The following ERBIN variants were observed in gnomAD, a reference collection of about 807,000 sequenced individuals.
ERBIN encodes the protein erbb2 interacting protein.
ERBIN carries 60 observed loss-of-function variants against 158.4 expected under a neutral mutation model. The ratio of observed to expected loss-of-function variants is 0.38; its 90% CI spans 0.31 to 0.47. The LOEUF is 0.47. Ranked by LOEUF, ERBIN falls within the 20% of genes least tolerant of loss-of-function variation. The pLI is 0.99. For synonymous variants in ERBIN, 594 were observed against 557.2 expected (o/e 1.07, Z -0.93); for missense variants, 1,610 against 1,648.0 (o/e 0.98, Z 0.40).
At chr5:66,075,633 T>C (rs916201722) in intron 23 of ERBIN, among the ~76,000 whole-genome samples, 4 of 152,180 alleles carry the variant, frequency 2.6e-5, no homozygotes, top group Admixed American at 1.3e-4. Context: ...AAAAGTACTT[T>C]AAAAGTCAGC....
rs368468255 is a variant in ERBIN at position 65,978,936 on chromosome 5, A to G, written c.-57-9699A>G. ...ATTTGGAACTGCAACCCAAGCTTCT[A>G]CTACCTCAGATTTGACAAGATCGAA... On this transcript the variant is annotated intron_variant, in intron 1 of 25. Coordinates refer to ENST00000284037, the MANE Select transcript of ERBIN (RefSeq NM_001253697.2). 4.6e-5 allele frequency among the ~76,000 whole-genome samples: 7 copies of G among 152,274 alleles called. No homozygotes were observed. In the East Asian group the frequency reaches 9.6e-4, roughly 21 times the overall value.
chr5:66,043,322 C>CT, intron 16 of ERBIN, 124 bp downstream of exon 16: 1 of 923,104 alleles, frequency 1.1e-6, no homozygotes, highest in Non-Finnish European at 1.6e-6. Flanking sequence ...CCTCAAGGCA[C>CT]TTGAAGTGTT....
At chr5:66,062,578 C>T (rs1201837878) in intron 21 of ERBIN, among the ~76,000 whole-genome samples, 1 of 152,194 alleles carries the variant, frequency 6.6e-6, no homozygotes, top group African/African-American at 2.4e-5. Flanking sequence ...TGTTCCGTTG[C>T]TGGTGAGGAG....
intron 14 of ERBIN, among the ~76,000 whole-genome samples, chr5:66,036,767 A>G (rs1757439446): frequency 6.6e-6 from 1 of 152,220 alleles, no homozygotes; most frequent in Admixed American, 6.5e-5. Flanking sequence ...AGTGATCTTT[A>G]TATTTCAGAG....
At chr5:66,036,730 A>C (rs1455385313) in intron 14 of ERBIN, among the ~76,000 whole-genome samples, 1 of 152,206 alleles carries the variant, frequency 6.6e-6, no homozygotes, top group East Asian at 1.9e-4. Flanking sequence ...GCAATATAAA[A>C]GGCTCTTAGG....
chr5:66,038,519 A>G, intron 15 of ERBIN, 37 bp downstream of exon 15: 2 of 1,471,534 alleles, frequency 1.4e-6, no homozygotes, highest in Non-Finnish European at 1.9e-6. Flanking sequence ...GTTAAAAACA[A>G]ATACTAATTT....
chr5:66,054,266 G>A lies in ERBIN; in HGVS notation c.2948G>A (p.Ser983Asn). The A allele has an allele frequency of 1.2e-6, 2 of 1,614,114 alleles. No individual in the cohort carries two copies. The highest frequency in any genetic ancestry group is 2.2e-5 in the South Asian group (2 of 91,076). Residue 983 changes from serine to asparagine, a missense_variant, in exon 21 of 26, where the codon AGC (serine) becomes AAC (asparagine). Ser to Asn is a conservative substitution (Grantham distance 46). Transcript: ENST00000284037. ...GPPQYNIQYS[S>N]SAAVKDTLWH... ...CCACAGTATAATATCCAATACAGTA[G>A]CAGTGCTGCAGTCAAAGACACTTTG...
intron 1 of ERBIN, among the ~76,000 whole-genome samples, chr5:65,980,164 C>G (rs1473665618): frequency 6.6e-6 from 1 of 151,904 alleles, no homozygotes; most frequent in Non-Finnish European, 1.5e-5. Flanking sequence ...ACCTGTAATC[C>G]CAGTGCTTTG....
chr5:65,956,959 T>C (rs1747214961), intron 1 of ERBIN, among the ~76,000 whole-genome samples: 1 of 151,978 alleles, frequency 6.6e-6, no homozygotes. Context: ...TTCTTTAAGG[T>C]AGTATAACCA....
At chr5:65,953,606 T>TA (rs781267033) in intron 1 of ERBIN, among the ~76,000 whole-genome samples, 1 of 152,082 alleles carries the variant, frequency 6.6e-6, no homozygotes, top group Non-Finnish European at 1.5e-5. Context: ...TATTATGCTT[T>TA]AAAAAAAATG....
rs1761974230 is a variant in ERBIN, at chr5:66,076,254, ATGT to A, written c.3964-56_3964-54del. 90 of 1,206,954 alleles carry A rather than the reference ATGT, an allele frequency of 7.5e-5. No homozygotes were observed. The South Asian group carries it at 1.0e-3, about 13-fold the overall frequency. The allele number at this position is 1,206,954 out of a possible 1,614,324, so 74.8% of individuals were successfully genotyped here. A position where few individuals can be genotyped will look rare whatever the true frequency, so the allele number is the denominator to read the frequency against. On this transcript the variant is annotated intron_variant, in intron 23 of 25. Coordinates refer to ENST00000284037, the MANE Select transcript of ERBIN (RefSeq NM_001253697.2). ...TTAACCAATCAGTATTTAAATATGG[ATGT>A]TGTTGCATTATAACTTTTTCTGAAA...
At chr5:66,070,860 A>C (rs574596136) in intron 21 of ERBIN, among the ~76,000 whole-genome samples, 1 of 152,210 alleles carries the variant, frequency 6.6e-6, no homozygotes, top group Non-Finnish European at 1.5e-5. Flanking sequence ...TGTCATAACA[A>C]AGTAGATTTT....
intron 1 of ERBIN, among the ~76,000 whole-genome samples, chr5:65,962,336 T>C (rs1016001235): frequency 6.6e-6 from 1 of 152,180 alleles, no homozygotes; most frequent in African/African-American, 2.4e-5. Flanking sequence ...ATTAAGCTAC[T>C]AGAAAAATGT....
chr5:66,026,033 T>A, intron 12 of ERBIN, 56 bp downstream of exon 12: 1 of 1,408,336 alleles, frequency 7.1e-7, no homozygotes, highest in Non-Finnish European at 9.7e-7. Context: ...TCTGATTATC[T>A]TCATTATAGC....
At chr5:65,977,303 C>T (rs1439750569) in intron 1 of ERBIN, among the ~76,000 whole-genome samples, 2 of 150,858 alleles carry the variant, frequency 1.3e-5, no homozygotes, top group Admixed American at 6.6e-5. Flanking sequence ...GGCTGACCCC[C>T]CCACCTCCCT....
intron 1 of ERBIN, among the ~76,000 whole-genome samples, chr5:65,952,018 G>A (rs2150925690): frequency 6.6e-6 from 1 of 152,264 alleles, no homozygotes; most frequent in Non-Finnish European, 1.5e-5. Flanking sequence ...TTTTCTGCTT[G>A]TGTGATTTTC....
chr5:65,984,554 T>A (rs1751009350), intron 1 of ERBIN, among the ~76,000 whole-genome samples: 1 of 152,214 alleles, frequency 6.6e-6, no homozygotes, highest in Non-Finnish European at 1.5e-5. Flanking sequence ...CAGCAGTCAG[T>A]GGCTCGGTTT....
intron 1 of ERBIN, among the ~76,000 whole-genome samples, chr5:65,978,289 T>C (rs989841106): frequency 6.6e-6 from 1 of 152,222 alleles, no homozygotes; most frequent in African/African-American, 2.4e-5. Context: ...GATTATAGAA[T>C]GGTCTAATGT....
At chr5:65,982,572 T>A (rs982060139) in intron 1 of ERBIN, among the ~76,000 whole-genome samples, 4 of 152,142 alleles carry the variant, frequency 2.6e-5, no homozygotes, top group African/African-American at 9.7e-5. Context: ...ATGATCTGTC[T>A]CATCAAAATA....
Sources: allele counts gnomAD v4.1 joint callset (sites outside exome capture counted in the v4.1 genomes callset), GRCh38; gene constraint gnomAD v4.1.1; transcripts MANE v1.5; gene names NCBI Gene and HGNC (gene_info 2026-07-23, HGNC 2026-07-21).